HECW1: variants seen among roughly 807,000 people sequenced by gnomAD.
The protein encoded by HECW1 is E3 ubiquitin-protein ligase HECW1.
A neutral mutation model predicts 182.3 loss-of-function variants in HECW1; 61 were observed. That is an observed-to-expected ratio of 0.33 (90% CI 0.27 to 0.41). HECW1 has a LOEUF of 0.41. HECW1 is among the 10% of genes least tolerant of loss of function. The pLI is 1.00. For synonymous variants in HECW1, 859 were observed against 832.6 expected (o/e 1.03, Z -0.55); for missense variants, 1,739 against 2,108.9 (o/e 0.82, Z 3.44).
At chr7:43,397,599 T>G (rs114987395) in intron 7 of HECW1, among the ~76,000 whole-genome samples, 4,260 of 152,190 alleles carry the variant, frequency 0.028, 216 homozygotes, top group African/African-American at 0.097. Context: ...GGGCAGCGGG[T>G]GGATCTCACC....
At chr7:43,363,459 CT>C (rs1378550588) in intron 6 of HECW1, among the ~76,000 whole-genome samples, 1 of 152,154 alleles carries the variant, frequency 6.6e-6, no homozygotes. Flanking sequence ...TGATTTTTAT[CT>C]CCTTAATGAT....
At chr7:43,276,937 C>T (rs1007594855) in intron 3 of HECW1, among the ~76,000 whole-genome samples, 1 of 152,214 alleles carries the variant, frequency 6.6e-6, no homozygotes. Context: ...ACAGGCGTCT[C>T]TAATCCCACT....
intron 2 of HECW1, among the ~76,000 whole-genome samples, chr7:43,125,757 T>TAAAAAAAAAAAAA (rs57874835): frequency 1.2e-5 from 1 of 86,542 alleles, no homozygotes; most frequent in African/African-American, 4.4e-5. Flanking sequence ...GATTCTGTCT[T>TAAAAAAAAAAAAA]AAAAAAAAAA....
Position 43,121,943 on chromosome 7 carries a change from G to C in HECW1, c.-32+7552G>C, listed in dbSNP as rs1453855905. 2.0e-5 allele frequency: 3 copies of C among 152,186 alleles called. No homozygotes were observed. The East Asian group carries it at 5.8e-4, about 29-fold the overall frequency. 9.4% of individuals were successfully genotyped at this position (152,186 alleles called of 1,614,324 possible). A position where few individuals can be genotyped will look rare whatever the true frequency, so the allele number is the denominator to read the frequency against. ...GAAATGAGCTCAAGGAACAACCTAA[G>C]AGTTGAGAAGGTCTGCATTTCGTTG... On this transcript the variant is annotated intron_variant, in intron 2 of 29. Coordinates refer to ENST00000395891, the MANE Select transcript of HECW1 (RefSeq NM_015052.5).
At chr7:43,118,135 T>TC (rs1785226971) in intron 2 of HECW1, 1 of 152,378 alleles carries the variant, frequency 6.6e-6, no homozygotes, top group Non-Finnish European at 1.5e-5. Context: ...TCATTCGGGG[T>TC]CCCTTTTATA....
At chr7:43,170,965 A>T (rs1249204486) in intron 2 of HECW1, among the ~76,000 whole-genome samples, 1 of 152,196 alleles carries the variant, frequency 6.6e-6, no homozygotes, top group Non-Finnish European at 1.5e-5. Flanking sequence ...GAATGAAACC[A>T]GTGTCCTTGA....
At chr7:43,366,135 C>T (rs563832952) in intron 6 of HECW1, among the ~76,000 whole-genome samples, 2 of 151,418 alleles carry the variant, frequency 1.3e-5, no homozygotes, top group East Asian at 1.9e-4. Flanking sequence ...CAAATTTAAA[C>T]TATCTTTTCA....
intron 2 of HECW1, among the ~76,000 whole-genome samples, chr7:43,185,153 T>TG (rs559089858): frequency 6.6e-6 from 1 of 151,132 alleles, no homozygotes; most frequent in Non-Finnish European, 1.5e-5. Context: ...ACAGGGATGG[T>TG]GGGGGGGAAG....
rs562709123 is a variant in HECW1 at position 43,530,842 on chromosome 7, C to G, written c.4020-10321C>G. Among the ~76,000 whole-genome samples the G allele has an allele frequency of 5.4e-5, 8 of 148,086 alleles. No homozygotes were observed. The East Asian group carries it at 1.5e-3, about 29-fold the overall frequency. On this transcript the variant is annotated intron_variant, in intron 24 of 29. Coordinates refer to ENST00000395891, the MANE Select transcript of HECW1 (RefSeq NM_015052.5). ...TGATGCCCTTGACATATTGTAATAA[C>G]CTCCAAATCTGCCCCCTCCTAAAAT...
intron 2 of HECW1, among the ~76,000 whole-genome samples, chr7:43,125,483 G>A (rs962155198): frequency 5.9e-5 from 9 of 151,870 alleles, no homozygotes; most frequent in African/African-American, 1.9e-4. Flanking sequence ...TTGGTCGGGT[G>A]TGGTGGCTCA....
At chr7:43,453,157 G>A (rs116520269) in intron 12 of HECW1, among the ~76,000 whole-genome samples, 45 of 152,304 alleles carry the variant, frequency 3.0e-4, no homozygotes, top group African/African-American at 1.1e-3. Flanking sequence ...TGCCCAAGTT[G>A]CTGTGTAGGG....
At chr7:43,351,147 G>GC (rs1814383497) in intron 5 of HECW1, among the ~76,000 whole-genome samples, 1 of 152,166 alleles carries the variant, frequency 6.6e-6, no homozygotes, top group Non-Finnish European at 1.5e-5. Flanking sequence ...TCTGGGTCTA[G>GC]CCACCCAGCG....
intron 3 of HECW1, among the ~76,000 whole-genome samples, chr7:43,277,801 C>T (rs1803349925): frequency 6.6e-6 from 1 of 152,208 alleles, no homozygotes; most frequent in African/African-American, 2.4e-5. Flanking sequence ...CAAGGATCTC[C>T]ACTTTGGAAA....
Position 43,490,451 on chromosome 7 carries a change from C to T in HECW1, c.3235-1624C>T, listed in dbSNP as rs2078886162. On this transcript the variant is annotated intron_variant, in intron 17 of 29. Transcript: ENST00000395891. ...GTCTTTAACACTTCAAAATTCTTAA[C>T]TATTTTAAAGCCTATTTTAGCATAC... 2.6e-5 allele frequency among the ~76,000 whole-genome samples: 4 copies of T among 152,208 alleles called. No individual in the cohort carries two copies. The South Asian group carries it at 8.3e-4, about 32-fold the overall frequency.
chr7:43,245,183 C>G (rs979967377), intron 3 of HECW1, among the ~76,000 whole-genome samples: 2 of 152,240 alleles, frequency 1.3e-5, no homozygotes, highest in Admixed American at 1.3e-4. Context: ...AGTATCCCAG[C>G]TTGGTGTGCG....
intron 24 of HECW1, among the ~76,000 whole-genome samples, chr7:43,538,224 G>T (rs1325721793): frequency 6.6e-6 from 1 of 152,184 alleles, no homozygotes; most frequent in East Asian, 1.9e-4. Context: ...AGTGAGAGAG[G>T]AGAAATGAGC....
At chr7:43,377,012 C>T (rs2074359082) in intron 6 of HECW1, among the ~76,000 whole-genome samples, 1 of 152,062 alleles carries the variant, frequency 6.6e-6, no homozygotes, top group African/African-American at 2.4e-5. Context: ...TTCTTACTTC[C>T]CAAGGATCTC....
chr7:43,319,460 GA>G (rs1809784354), intron 4 of HECW1, among the ~76,000 whole-genome samples: 2 of 150,566 alleles, frequency 1.3e-5, no homozygotes, highest in Admixed American at 1.3e-4. Context: ...AGCAGGAGGT[GA>G]AAGCACACTG....
rs939835733 is a variant in HECW1 at position 43,565,579 on chromosome 7, ATTT to A, written c.*3656_*3658del. On this transcript the variant is annotated 3_prime_UTR_variant, in exon 30 of 30. Coordinates refer to ENST00000395891, the MANE Select transcript of HECW1 (RefSeq NM_015052.5). ...GTGCTTTATTATTATTATTATTATT[ATTT>A]TTATTATTATTATTATTACGTACTT... 16 of 148,966 alleles carry A rather than the reference ATTT, an allele frequency of 1.1e-4. No homozygotes were observed. Among genetic ancestry groups the A allele is most frequent in the African/African-American group, 5.5e-4 (15 of 27,184 alleles). 9.2% of individuals were successfully genotyped at this position (148,966 alleles called of 1,614,324 possible).
Sources: allele counts gnomAD v4.1 joint callset (sites outside exome capture counted in the v4.1 genomes callset), GRCh38; gene constraint gnomAD v4.1.1; transcripts MANE v1.5; gene names NCBI Gene and HGNC (gene_info 2026-07-23, HGNC 2026-07-21).